Variants in CXCL13 observed in about 807,000 individuals in gnomAD.
CXCL13 encodes C-X-C motif chemokine ligand 13, also known as C-X-C motif chemokine 13.
In CXCL13, 7 loss-of-function variants were observed where a neutral mutation model predicts 12.2. The ratio of observed to expected loss-of-function variants is 0.57; its 90% CI spans 0.33 to 1.07. The LOEUF (loss-of-function observed/expected upper bound fraction) is 1.07. CXCL13 is among the 50% of genes least tolerant of loss of function. The pLI is 0.04. For synonymous variants in CXCL13, 47 were observed against 42.4 expected (o/e 1.11, Z -0.42); for missense variants, 113 against 127.4 (o/e 0.89, Z 0.55).
At chr4:77,587,653 C>A (rs1417212690) in intron 1 of CXCL13, among the ~76,000 whole-genome samples, 2 of 152,198 alleles carry the variant, frequency 1.3e-5, no homozygotes, top group Non-Finnish European at 2.9e-5. Flanking sequence ...CATTGACTAC[C>A]ATTTCAAAGA....
chr4:77,527,800 T>C (rs1386213427), intron 1 of CXCL13, among the ~76,000 whole-genome samples: 1 of 152,174 alleles, frequency 6.6e-6, no homozygotes, highest in African/African-American at 2.4e-5. Context: ...ATTTTTATAC[T>C]TTAAGTTTTA....
chr4:77,560,965 C>T (rs1725796854), intron 1 of CXCL13, among the ~76,000 whole-genome samples: 1 of 152,160 alleles, frequency 6.6e-6, no homozygotes, highest in South Asian at 2.1e-4. Flanking sequence ...TCCTCTCTTG[C>T]ATAGCTCTGT....
chr4:77,584,144 C>A (rs756136257), intron 1 of CXCL13, among the ~76,000 whole-genome samples: 1 of 152,134 alleles, frequency 6.6e-6, no homozygotes, highest in African/African-American at 2.4e-5. Context: ...AAGCACAGAC[C>A]AATAACATGA....
chr4:77,546,483 T>C (rs1725367991), intron 1 of CXCL13, among the ~76,000 whole-genome samples: 2 of 152,210 alleles, frequency 1.3e-5, no homozygotes, highest in African/African-American at 4.8e-5. Context: ...TGGGAGGGTG[T>C]ATGTGTCCAG....
chr4:77,601,977 T>G (rs975223906), upstream of CXCL13, among the ~76,000 whole-genome samples: 1 of 152,248 alleles, frequency 6.6e-6, no homozygotes, highest in East Asian at 1.9e-4. Flanking sequence ...AGATGTCAGA[T>G]GTTCAGCAGG....
chr4:77,605,521 T>A (rs575954321), upstream of CXCL13, among the ~76,000 whole-genome samples: 1 of 152,190 alleles, frequency 6.6e-6, no homozygotes, highest in Non-Finnish European at 1.5e-5. Context: ...AAAACCACCA[T>A]CACCAATAGC....
intron 1 of CXCL13, among the ~76,000 whole-genome samples, chr4:77,561,493 A>C (rs1024406004): frequency 1.3e-5 from 2 of 152,366 alleles, no homozygotes; most frequent in South Asian, 4.1e-4. Context: ...TTACAGATGA[A>C]AAACCTGATA....
At chr4:77,532,324 A>G (rs931847681) in intron 1 of CXCL13, among the ~76,000 whole-genome samples, 1 of 152,150 alleles carries the variant, frequency 6.6e-6, no homozygotes, top group Non-Finnish European at 1.5e-5. Context: ...TTGGCTGGAG[A>G]TGAAATTCTG....
chr4:77,537,049 A>C (rs1337583673), intron 1 of CXCL13, among the ~76,000 whole-genome samples: 1 of 152,236 alleles, frequency 6.6e-6, no homozygotes, highest in African/African-American at 2.4e-5. Flanking sequence ...CCTCTAGATA[A>C]ATACTATTAG....
At chr4:77,542,115 T>A (rs538570343) in intron 1 of CXCL13, among the ~76,000 whole-genome samples, 1 of 152,104 alleles carries the variant, frequency 6.6e-6, no homozygotes, top group Non-Finnish European at 1.5e-5. Context: ...TTTGAAGGAG[T>A]CTTTAGGATT....
At position 77,610,694 on chromosome 4, in the gene CXCL13, A is replaced by G; in HGVS notation, c.278A>G (p.Lys93Arg). 1 of 1,609,020 alleles carries G rather than the reference A, an allele frequency of 6.2e-7. No homozygotes were observed. Among genetic ancestry groups the G allele is most frequent in the Non-Finnish European group, 8.5e-7 (1 of 1,175,300 alleles). The change falls in exon 3 of 4, where the codon AAA becomes AGA. Residue 93 changes from lysine to arginine, a missense_variant and splice_region_variant. By Grantham distance (26) the Lys-to-Arg change is conservative (BLOSUM62 2). Transcript: ENST00000682537. Reference sequence around the variant, plus strand: ...CAAAGAATGATGGAAGTATTGAGAAAGTAAGTTAGGCATAACAAGGGGTTT... The same window carrying G: ...CAAAGAATGATGGAAGTATTGAGAAGGTAAGTTAGGCATAACAAGGGGTTT... The part of the protein sequence containing the change: ...WIQRMMEVLR[K>R]RSSSTLPVPV...
intron 1 of CXCL13, among the ~76,000 whole-genome samples, chr4:77,513,020 C>T (rs1724311737): frequency 6.6e-6 from 1 of 152,044 alleles, no homozygotes; most frequent in African/African-American, 2.4e-5. Context: ...TGAGTGAGAA[C>T]ATGTGGTGTT....
chr4:77,547,502 C>G (rs1376968265), intron 1 of CXCL13, among the ~76,000 whole-genome samples: 3 of 152,092 alleles, frequency 2.0e-5, no homozygotes, highest in African/African-American at 7.2e-5. Context: ...TTCTTTGTCT[C>G]TTTTGATCTT....
chr4:77,577,153 G>A (rs1726217992), intron 1 of CXCL13, among the ~76,000 whole-genome samples: 1 of 152,122 alleles, frequency 6.6e-6, no homozygotes, highest in East Asian at 1.9e-4. Flanking sequence ...ACCATCACCT[G>A]GAGGTTTTCT....
intron 1 of CXCL13, among the ~76,000 whole-genome samples, chr4:77,595,338 T>C (rs557434795): frequency 3.3e-5 from 5 of 152,332 alleles, no homozygotes; most frequent in Admixed American, 2.0e-4. Flanking sequence ...CCAGGATGTA[T>C]TGAGTTTAGA....
At chr4:77,561,452 A>G (rs920046224) in intron 1 of CXCL13, among the ~76,000 whole-genome samples, 1 of 152,220 alleles carries the variant, frequency 6.6e-6, no homozygotes, top group Non-Finnish European at 1.5e-5. Context: ...AGTTCTAATT[A>G]TCCCAACAGT....
At chr4:77,545,686 T>C (rs1725344724) in intron 1 of CXCL13, among the ~76,000 whole-genome samples, 4 of 152,194 alleles carry the variant, frequency 2.6e-5, no homozygotes, top group Admixed American at 2.0e-4. Flanking sequence ...AATCACATCA[T>C]CTGCAAACAG....
intron 1 of CXCL13, among the ~76,000 whole-genome samples, chr4:77,519,292 G>T (rs374397463): frequency 1.3e-5 from 2 of 152,206 alleles, no homozygotes; most frequent in Non-Finnish European, 2.9e-5. Context: ...CTCCAGCTGC[G>T]TGCTGGGAGA....
intron 1 of CXCL13, among the ~76,000 whole-genome samples, chr4:77,583,393 T>G (rs1321848903): frequency 6.6e-6 from 1 of 152,202 alleles, no homozygotes; most frequent in East Asian, 1.9e-4. Context: ...CCTGCCACTC[T>G]CATGTTTTGA....
Sources: allele counts gnomAD v4.1 joint callset (sites outside exome capture counted in the v4.1 genomes callset), GRCh38; gene constraint gnomAD v4.1.1; transcripts MANE v1.5; gene names NCBI Gene and HGNC (gene_info 2026-07-23, HGNC 2026-07-21).